Variants in SEMA3C observed in about 807,000 individuals in gnomAD.
The protein encoded by SEMA3C is semaphorin-3C.
Under a neutral mutation model 89.4 loss-of-function variants are expected in SEMA3C, and 47 were observed. The observed-to-expected ratio is 0.53, with a 90% CI of 0.42 to 0.67. SEMA3C has a LOEUF of 0.67. Among genes scored for constraint, SEMA3C ranks in the 30% least tolerant of loss-of-function variants. The pLI, the probability that SEMA3C is intolerant of heterozygous loss-of-function variation, is 0.00. For missense variants in SEMA3C, 839 were observed against 929.1 expected (o/e 0.90, Z 1.26); for synonymous variants, 310 against 320.2 (o/e 0.97, Z 0.34).
intron 2 of SEMA3C, among the ~76,000 whole-genome samples, chr7:80,904,234 T>G (rs1212914527): frequency 1.3e-5 from 2 of 152,122 alleles, no homozygotes; most frequent in African/African-American, 4.8e-5. Flanking sequence ...AGAGACTAGA[T>G]TTCACCATGT....
intron 12 of SEMA3C, among the ~76,000 whole-genome samples, chr7:80,771,656 T>C (rs1205277430): frequency 2.6e-5 from 4 of 152,186 alleles, no homozygotes; most frequent in African/African-American, 9.7e-5. Context: ...GTCATTTGTA[T>C]ATCTATCTCC....
At chr7:80,882,976 A>T (rs1791383294) in intron 2 of SEMA3C, among the ~76,000 whole-genome samples, 1 of 152,058 alleles carries the variant, frequency 6.6e-6, no homozygotes. Flanking sequence ...AACAAACTAA[A>T]GGTAAATACA....
chr7:80,830,931 C>A (rs1789995204), intron 2 of SEMA3C, among the ~76,000 whole-genome samples: 1 of 152,142 alleles, frequency 6.6e-6, no homozygotes, highest in East Asian at 1.9e-4. Flanking sequence ...GAGCTGAGAA[C>A]ATGGGAGAGA....
chr7:80,822,108 T>C (rs1583911073), intron 4 of SEMA3C, among the ~76,000 whole-genome samples: 2 of 152,330 alleles, frequency 1.3e-5, no homozygotes, highest in Non-Finnish European at 1.5e-5. Flanking sequence ...CTGAAGTCAT[T>C]CTATGCGAGG....
intron 2 of SEMA3C, among the ~76,000 whole-genome samples, chr7:80,879,993 C>T (rs1003456954): frequency 6.6e-6 from 1 of 152,164 alleles, no homozygotes; most frequent in Admixed American, 6.6e-5. Flanking sequence ...TTTACTTTAG[C>T]TCCTACTACT....
At chr7:80,919,101 A>G (rs994684773), upstream of SEMA3C, 35 of 984,906 alleles carry the variant, frequency 3.6e-5, 1 homozygote. Flanking sequence ...GTGTCCGATT[A>G]CAGCGCCGCG....
chr7:80,777,656 G>A (rs1788581922), intron 12 of SEMA3C, among the ~76,000 whole-genome samples: 1 of 152,078 alleles, frequency 6.6e-6, no homozygotes, highest in Non-Finnish European at 1.5e-5. Flanking sequence ...GTGACTATGG[G>A]AATATCTCTT....
At chr7:80,857,855 TAC>T (rs1261031392) in intron 2 of SEMA3C, among the ~76,000 whole-genome samples, 3 of 152,164 alleles carry the variant, frequency 2.0e-5, no homozygotes, top group Non-Finnish European at 2.9e-5. Flanking sequence ...TAAAAAGACT[TAC>T]AGTGTCTTAG....
intron 2 of SEMA3C, among the ~76,000 whole-genome samples, chr7:80,849,152 G>C (rs894672247): frequency 5.9e-5 from 9 of 152,092 alleles, no homozygotes; most frequent in Non-Finnish European, 1.5e-5. Context: ...ACCATGAGTG[G>C]ATAATTGCTT....
chr7:80,825,142 T>C (rs186708764), intron 4 of SEMA3C, among the ~76,000 whole-genome samples: 42 of 152,316 alleles, frequency 2.8e-4, no homozygotes, highest in African/African-American at 1.0e-3. Context: ...TCTGTACAAC[T>C]TTCAAAGATC....
intron 2 of SEMA3C, among the ~76,000 whole-genome samples, chr7:80,863,449 A>C (rs1238026595): frequency 6.6e-6 from 1 of 151,966 alleles, no homozygotes; most frequent in Non-Finnish European, 1.5e-5. Context: ...AACAGTGTAG[A>C]GATTCCTTAA....
chr7:80,889,484 C>G (rs1331174117), intron 2 of SEMA3C, among the ~76,000 whole-genome samples: 1 of 151,980 alleles, frequency 6.6e-6, no homozygotes, highest in East Asian at 1.9e-4. Flanking sequence ...CAACACATTC[C>G]TGTGAAAGAC....
At chr7:80,804,823 A>G (rs992950276) in intron 7 of SEMA3C, among the ~76,000 whole-genome samples, 17 of 152,264 alleles carry the variant, frequency 1.1e-4, no homozygotes, top group African/African-American at 4.1e-4. Flanking sequence ...TGAACAATCA[A>G]TGCTTTCTTG....
At chr7:80,768,202 T>C (rs923369804) in intron 12 of SEMA3C, among the ~76,000 whole-genome samples, 3 of 152,242 alleles carry the variant, frequency 2.0e-5, no homozygotes, top group Non-Finnish European at 4.4e-5. Context: ...ATATCTGCTT[T>C]GCAGCCGCTT....
chr7:80,783,174 T>A (rs545697350), intron 12 of SEMA3C, among the ~76,000 whole-genome samples: 2 of 152,306 alleles, frequency 1.3e-5, no homozygotes, highest in South Asian at 2.1e-4. Flanking sequence ...ATGAGCTGTA[T>A]TTTTATTTTT....
intron 13 of SEMA3C, among the ~76,000 whole-genome samples, chr7:80,764,628 G>A (rs1583855624): frequency 6.6e-6 from 1 of 151,764 alleles, no homozygotes. Context: ...ATAATACAAT[G>A]AAATCTCAAG....
intron 4 of SEMA3C, among the ~76,000 whole-genome samples, chr7:80,820,516 T>C (rs1349146996): frequency 1.3e-5 from 2 of 152,182 alleles, no homozygotes; most frequent in Non-Finnish European, 1.5e-5. Context: ...CCAGCAAATA[T>C]ATACTTTTAT....
upstream of SEMA3C, among the ~76,000 whole-genome samples, chr7:80,920,113 C>A (rs1361310131): frequency 2.0e-5 from 3 of 152,252 alleles, no homozygotes; most frequent in East Asian, 3.9e-4. Flanking sequence ...ATTGCCATAA[C>A]CACACATCTA....
intron 2 of SEMA3C, among the ~76,000 whole-genome samples, chr7:80,894,210 G>C (rs1791680596): frequency 6.6e-6 from 1 of 152,066 alleles, no homozygotes; most frequent in Non-Finnish European, 1.5e-5. Context: ...TAAGAAAGTA[G>C]AGTATACCAT....
Sources: gnomAD v4.1 joint callset for allele counts (sites outside exome capture counted in the v4.1 genomes callset) on GRCh38, gnomAD v4.1.1 for gene constraint, MANE v1.5 for transcripts, NCBI Gene and HGNC (gene_info 2026-07-23, HGNC 2026-07-21) for gene names.